Variants in PRH1 observed in about 807,000 individuals in gnomAD.
PRH1 encodes salivary acidic proline-rich phosphoprotein 1/2.
A neutral mutation model predicts 7.9 loss-of-function variants in PRH1; 7 were observed. The observed-to-expected ratio is 0.89, with a 90% CI of 0.50 to 1.67. The LOEUF (loss-of-function observed/expected upper bound fraction) is 1.67, where lower values mean the gene tolerates loss of function less well. Among genes scored for constraint, PRH1 ranks in the 40% most tolerant of loss-of-function variants. The pLI is 0.00. For synonymous variants in PRH1, 45 were observed against 80.8 expected (o/e 0.56, Z 2.38); for missense variants, 109 against 223.6 (o/e 0.49, Z 3.27).
At chr12:11,041,859 C>G (rs761438644) in intron 1 of PRH1, among the ~76,000 whole-genome samples, 1 of 152,004 alleles carries the variant, frequency 6.6e-6, no homozygotes, top group Non-Finnish European at 1.5e-5. Context: ...GGAAATGAAA[C>G]AATATGCTCC....
At chr12:11,043,611 T>C (rs1428625192) in intron 1 of PRH1, among the ~76,000 whole-genome samples, 1 of 32,526 alleles carries the variant, frequency 3.1e-5, no homozygotes, top group Non-Finnish European at 5.7e-4. Flanking sequence ...TATACACAAT[T>C]AACATAAAAA....
At chr12:11,140,851 AG>A in intron 1 of PRH1, among the ~76,000 whole-genome samples, 1 of 152,192 alleles carries the variant, frequency 6.6e-6, no homozygotes, top group Non-Finnish European at 1.5e-5. Context: ...ATGGAGCTTG[AG>A]GATAGCTAGG....
chr12:11,045,222 A>C (rs1344013246), intron 1 of PRH1, among the ~76,000 whole-genome samples: 1 of 151,572 alleles, frequency 6.6e-6, no homozygotes, highest in Non-Finnish European at 1.5e-5. Context: ...CAATGTTTGC[A>C]CAGAAGGCAT....
At chr12:10,965,103 T>G (rs2135939721) in intron 2 of PRH1, 2 of 1,296,048 alleles carry the variant, frequency 1.5e-6, no homozygotes, top group Middle Eastern at 2.0e-4. Context: ...GCATTAATAG[T>G]AGTAATTCTT....
At chr12:11,010,544 T>C (rs538941379) in intron 1 of PRH1, among the ~76,000 whole-genome samples, 107 of 152,082 alleles carry the variant, frequency 7.0e-4, no homozygotes, top group African/African-American at 2.5e-3. Flanking sequence ...ATTGTTTCAT[T>C]TTACCACATT....
At chr12:11,038,416 A>G (rs1942542608) in intron 1 of PRH1, among the ~76,000 whole-genome samples, 1 of 77,436 alleles carries the variant, frequency 1.3e-5, no homozygotes, top group Non-Finnish European at 3.3e-5. Context: ...GATCACTCAT[A>G]TGTTTCACTA....
intron 1 of PRH1, among the ~76,000 whole-genome samples, chr12:10,974,416 T>A (rs1051363775): frequency 6.6e-6 from 1 of 152,192 alleles, no homozygotes; most frequent in Non-Finnish European, 1.5e-5. Context: ...AGGAACACAA[T>A]AGCCCTTCCA....
intron 2 of PRH1, chr12:10,939,338 C>T: frequency 6.9e-6 from 4 of 581,572 alleles, no homozygotes; most frequent in Admixed American, 7.3e-5. Context: ...GAATGTTAAA[C>T]CAGCAACCAT....
intron 1 of PRH1, chr12:11,133,265 C>T: frequency 1.3e-6 from 2 of 1,578,284 alleles, no homozygotes; most frequent in Non-Finnish European, 1.7e-6. Context: ...ATGTTTCATA[C>T]ACCACCAGTT....
intron 2 of PRH1, among the ~76,000 whole-genome samples, chr12:10,957,268 A>G (rs1031546626): frequency 4.6e-5 from 7 of 152,108 alleles, no homozygotes; most frequent in African/African-American, 1.7e-4. Flanking sequence ...CCACCCACCT[A>G]CAACCATCTA....
At chr12:11,021,233 T>C (rs1318451364) in intron 1 of PRH1, among the ~76,000 whole-genome samples, 2 of 152,174 alleles carry the variant, frequency 1.3e-5, no homozygotes, top group East Asian at 3.8e-4. Context: ...TGATTTAAAA[T>C]TGAATGTCTT....
At position 11,098,668 on chromosome 12, in the gene PRH1, T is replaced by C. The variant is rs1358936462; in HGVS notation, n.124-51480A>G. Among the ~76,000 whole-genome samples, 3 of 152,344 alleles carry C rather than the reference T, an allele frequency of 2.0e-5. No individual in the cohort carries two copies. The East Asian group carries it at 5.8e-4, about 29-fold the overall frequency. ...TAAGATCATTACCAATATGGACTTT[T>C]TAAAATGCCAGATTTGTATACACAG... On this transcript the variant is annotated intron_variant and non_coding_transcript_variant, in intron 1 of 4. Transcript: ENST00000541977.
intron 2 of PRH1, among the ~76,000 whole-genome samples, chr12:10,935,914 A>G (rs1950280531): frequency 6.6e-6 from 1 of 152,094 alleles, no homozygotes; most frequent in African/African-American, 2.4e-5. Flanking sequence ...CCAACACATG[A>G]CCCAGGCAGA....
At chr12:11,149,655 T>C (rs1224424657) in intron 1 of PRH1, among the ~76,000 whole-genome samples, 1 of 142,652 alleles carries the variant, frequency 7.0e-6, no homozygotes, top group Non-Finnish European at 1.5e-5. Context: ...TTACACCTTA[T>C]ACAAAAATTA....
At chr12:11,124,064 A>G (rs763819794) in intron 1 of PRH1, among the ~76,000 whole-genome samples, 25 of 152,290 alleles carry the variant, frequency 1.6e-4, no homozygotes, top group South Asian at 1.2e-3. Context: ...TTCATCTTGG[A>G]ATTTACCTTC....
chr12:11,064,339 G>C (rs1196154389), intron 1 of PRH1, among the ~76,000 whole-genome samples: 1 of 152,068 alleles, frequency 6.6e-6, no homozygotes, highest in Non-Finnish European at 1.5e-5. Flanking sequence ...TCACATAGTT[G>C]CAAGTACATG....
At chr12:11,065,421 A>C (rs991422997) in intron 1 of PRH1, among the ~76,000 whole-genome samples, 1 of 127,854 alleles carries the variant, frequency 7.8e-6, no homozygotes, top group Admixed American at 8.4e-5. Flanking sequence ...ATCTTCTGGA[A>C]CTGCAGAAGT....
chr12:11,084,097 C>T (rs1191918961), intron 1 of PRH1, among the ~76,000 whole-genome samples: 2 of 57,306 alleles, frequency 3.5e-5, no homozygotes, highest in Non-Finnish European at 1.1e-4. Context: ...TTAGATAGCA[C>T]GGTCCAACCC....
At chr12:11,077,813 G>T in intron 1 of PRH1, 1 of 1,096,890 alleles carries the variant, frequency 9.1e-7, no homozygotes, top group Non-Finnish European at 1.4e-6. Flanking sequence ...ATCACAGCAA[G>T]ATTACAAATC....
Sources: gnomAD v4.1 joint callset for allele counts (sites outside exome capture counted in the v4.1 genomes callset) on GRCh38, gnomAD v4.1.1 for gene constraint, MANE v1.5 for transcripts, NCBI Gene and HGNC (gene_info 2026-07-23, HGNC 2026-07-21) for gene names.